Variants in CLUAP1 observed in about 807,000 individuals in gnomAD.
CLUAP1 encodes the protein clusterin-associated protein 1.
In CLUAP1, 50 loss-of-function variants were observed where a neutral mutation model predicts 55.0. That is an observed-to-expected ratio of 0.91 (90% CI 0.72 to 1.15). The LOEUF is 1.15. CLUAP1 is among the 50% of genes most tolerant of loss of function. The probability of loss-of-function intolerance (pLI) is 0.00; values close to 1 mark genes in which losing one functional copy is unlikely to be tolerated. For missense variants in CLUAP1, 530 were observed against 507.6 expected (o/e 1.04, Z -0.42); for synonymous variants, 195 against 175.4 (o/e 1.11, Z -0.88).
At chr16:3,505,700 T>G (rs1252583638) in intron 2 of CLUAP1, among the ~76,000 whole-genome samples, 1 of 152,242 alleles carries the variant, frequency 6.6e-6, no homozygotes, top group East Asian at 1.9e-4. Context: ...GACAGGGGCC[T>G]TTTTGCACAT....
chr16:3,508,315 C>A lies in CLUAP1; in HGVS notation c.246C>A (p.Asn82Lys). 2 of 1,600,890 alleles carry A rather than the reference C, an allele frequency of 1.2e-6. No individual in the cohort carries two copies. Among genetic ancestry groups the A allele is most frequent in the South Asian group, 1.1e-5 (1 of 87,804 alleles). Residue 82 changes from asparagine (N) to lysine (K), a missense_variant, in exon 4 of 12, where the codon AAC becomes AAA. Physicochemically the swap from Asn to Lys is moderately conservative, Grantham distance 94. Coordinates refer to ENST00000576634, the MANE Select transcript of CLUAP1 (RefSeq NM_015041.3). ...CCACCAAGGCACATATAAAACTCAA[C>A]ACTAAGAAGCTTTATCAAGCAGATG... ...FMATKAHIKL[N>K]TKKLYQADGY...
Position 3,520,165 on chromosome 16 carries a change from G to C in CLUAP1, c.713+129G>C, listed in dbSNP as rs971059246. ...GGGCGGGGGGTTCTCTTGAGCCCAG[G>C]AGTTTGAGACCAGCCTGGGCAGCAT... On this transcript the variant is annotated intron_variant, in intron 7 of 11. Transcript: ENST00000576634. 7 of 931,898 alleles carry C rather than the reference G, an allele frequency of 7.5e-6. 1 individual carries two copies. In the South Asian group the frequency reaches 1.4e-4, roughly 18 times the overall value. 57.7% of individuals were successfully genotyped at this position (931,898 alleles called of 1,614,324 possible).
intron 6 of CLUAP1, among the ~76,000 whole-genome samples, chr16:3,519,686 T>C (rs903051989): frequency 2.6e-5 from 4 of 152,058 alleles, no homozygotes; most frequent in Non-Finnish European, 4.4e-5. Context: ...CTGCTTTTCA[T>C]GGGGAAAAAA....
Position 3,509,119 on chromosome 16 carries a change from G to C in CLUAP1, c.399+651G>C, listed in dbSNP as rs766140826. Among the ~76,000 whole-genome samples, 79 of 152,078 alleles carry C rather than the reference G, an allele frequency of 5.2e-4. 1 individual carries two copies. Among genetic ancestry groups the C allele is most frequent in the Non-Finnish European group, 4.7e-4 (32 of 68,030 alleles). ...CAAAAAAAAGAAAAAAATTAGCTAG[G>C]CGTGGTGGTACACACCTGTGGTCCC... On this transcript the variant is annotated intron_variant, in intron 4 of 11. Transcript: ENST00000576634.
At chr16:3,514,238 T>C (rs919489019) in intron 5 of CLUAP1, among the ~76,000 whole-genome samples, 1 of 152,130 alleles carries the variant, frequency 6.6e-6, no homozygotes. Flanking sequence ...CGGGGTCTCT[T>C]TCAACACCAT....
At position 3,532,795 on chromosome 16, in the gene CLUAP1, G is replaced by T. The variant is rs760562596; in HGVS notation, c.1046G>T (p.Gly349Val). Residue 349 changes from glycine (G) to valine (V), a missense_variant, in exon 11 of 12, where the codon GGC becomes GTC. Physicochemically the swap from Gly to Val is moderately radical, Grantham distance 109. Transcript: ENST00000576634. ...CTTTTGTTGTTCTCAGGAAGACCTG[G>T]CAAACGCATTGTGGGCACGATGCAA... ...AMEMLMQGRP[G>V]KRIVGTMQGG... The T allele has an allele frequency of 1.2e-6, 2 of 1,613,870 alleles. No individual in the cohort carries two copies. Among genetic ancestry groups the T allele is most frequent in the African/African-American group, 2.7e-5 (2 of 74,826 alleles).
chr16:3,533,208 G>T, intron 11 of CLUAP1: 3 of 1,396,842 alleles, frequency 2.1e-6, no homozygotes, highest in Non-Finnish European at 2.9e-6. Flanking sequence ...AGCCCTCCCG[G>T]GGCCAGCCAG....
chr16:3,505,467 ATGCAGTGAGCCGAAGTG>A (rs1180902332), intron 2 of CLUAP1, among the ~76,000 whole-genome samples: 3 of 150,674 alleles, frequency 2.0e-5, no homozygotes, highest in Non-Finnish European at 4.4e-5. Context: ...GAGGCGGAGC[ATGCAGTGAGCCGAAGTG>A]TGCAGTGAGC....
intron 9 of CLUAP1, among the ~76,000 whole-genome samples, chr16:3,529,807 T>C (rs2038071264): frequency 3.6e-5 from 1 of 28,070 alleles, no homozygotes; most frequent in African/African-American, 1.9e-4. Context: ...TATTATTATA[T>C]ATATATTATA....
intron 4 of CLUAP1, among the ~76,000 whole-genome samples, chr16:3,511,285 A>G (rs950823286): frequency 6.6e-6 from 1 of 152,164 alleles, no homozygotes; most frequent in Non-Finnish European, 1.5e-5. Context: ...CAGAGCAGGG[A>G]GACGTTTATG....
At position 3,515,553 on chromosome 16, in the gene CLUAP1, A is replaced by G; in HGVS notation, c.541A>G (p.Thr181Ala). 6.2e-7 allele frequency: 1 copy of G among 1,601,444 alleles called. No homozygotes were observed. Among genetic ancestry groups the G allele is most frequent in the Non-Finnish European group, 8.5e-7 (1 of 1,176,720 alleles). The change falls in exon 6 of 12, where the codon ACT becomes GCT. Residue 181 changes from threonine to alanine, a missense_variant. Physicochemically the swap from Thr to Ala is moderately conservative, Grantham distance 58 (BLOSUM62 0). Coordinates refer to ENST00000576634, the MANE Select transcript of CLUAP1 (RefSeq NM_015041.3). Reference protein sequence around the residue: ...AIARPLEINETEKVMRIAIKE... With the variant: ...AIARPLEINEAEKVMRIAIKE... ...TGCCAGACCTCTGGAAATAAACGAG[A>G]CTGAAAAAGTGATGAGAATTGCAAT... is the stretch of plus-strand genomic sequence containing the variant.
At position 3,507,678 on chromosome 16, in the gene CLUAP1, G is replaced by A. The variant is rs975168458; in HGVS notation, c.220-611G>A. The stretch of plus-strand genomic sequence containing the variant: ...ACCACTATTTTAAATCTCTTCCAGA[G>A]TTTGTGTGTGTGTGTGTGTGTGTGT... On this transcript the variant is annotated intron_variant, in intron 3 of 11. Transcript: ENST00000576634. Among the ~76,000 whole-genome samples the A allele has an allele frequency of 6.0e-4, 77 of 128,506 alleles. 1 individual carries two copies. Among genetic ancestry groups the A allele is most frequent in the African/African-American group, 2.3e-3 (73 of 31,870 alleles). 84.3% of individuals were successfully genotyped at this position (128,506 alleles called of 152,430 possible).
intron 4 of CLUAP1, among the ~76,000 whole-genome samples, chr16:3,510,249 C>T (rs1377332673): frequency 1.3e-5 from 2 of 152,158 alleles, no homozygotes; most frequent in African/African-American, 4.8e-5. Context: ...CCGCCTCAGC[C>T]TCCCAAAGTG....
At position 3,536,246 on chromosome 16, in the gene CLUAP1, T is replaced by G; in HGVS notation, c.1217T>G (p.Leu406Arg). ...PNRRVRKSEP[L>R]DESDNDF is the part of the protein sequence containing the mutation. ...CGAAGGGTCCGGAAATCTGAACCCC[T>G]GGATGAGAGTGACAATGACTTCTGA... The change falls in exon 12 of 12, where the codon CTG becomes CGG. Residue 406 changes from leucine (L) to arginine (R), a missense_variant. Physicochemically the swap from Leu to Arg is moderately radical, Grantham distance 102 (BLOSUM62 -2). Coordinates refer to ENST00000576634, the MANE Select transcript of CLUAP1 (RefSeq NM_015041.3). The G allele has an allele frequency of 1.9e-6, 3 of 1,614,126 alleles. No individual in the cohort carries two copies. In the East Asian group the frequency reaches 6.7e-5, roughly 36 times the overall value.
At chr16:3,506,969 G>A (rs2037518577) in intron 3 of CLUAP1, among the ~76,000 whole-genome samples, 1 of 152,034 alleles carries the variant, frequency 6.6e-6, no homozygotes, top group Non-Finnish European at 1.5e-5. Flanking sequence ...GGCCGAGGTG[G>A]GCGGATCACG....
At chr16:3,527,797 C>T (rs112687694) in intron 9 of CLUAP1, among the ~76,000 whole-genome samples, 11 of 152,172 alleles carry the variant, frequency 7.2e-5, no homozygotes, top group African/African-American at 2.4e-4. Flanking sequence ...AGCTGTCTCT[C>T]TCTCCTCTCT....
intron 3 of CLUAP1, 105 bp downstream of exon 3, chr16:3,506,520 T>C: frequency 2.1e-6 from 2 of 940,286 alleles, no homozygotes; most frequent in Non-Finnish European, 3.4e-6. Context: ...TTTCTTTCTT[T>C]TTTTTTGAGA....
At chr16:3,495,841 C>T in the CLUAP1 span, among the ~76,000 whole-genome samples, 1 of 152,144 alleles carries the variant, frequency 6.6e-6, no homozygotes, top group African/African-American at 2.4e-5. Flanking sequence ...GGCGGTGGCT[C>T]ATGCCTGTAA....
chr16:3,509,841 G>GTTTT (rs2037585573), intron 4 of CLUAP1: 1 of 152,386 alleles, frequency 6.6e-6, no homozygotes, highest in Non-Finnish European at 1.5e-5. Flanking sequence ...TTTTTGTTTT[G>GTTTT]TTTTGAGACG....
Sources: allele counts gnomAD v4.1 joint callset (sites outside exome capture counted in the v4.1 genomes callset), GRCh38; gene constraint gnomAD v4.1.1; transcripts MANE v1.5; gene names NCBI Gene and HGNC (gene_info 2026-07-23, HGNC 2026-07-21).